The following LMBR1 variants were observed in gnomAD, a reference collection of about 807,000 sequenced individuals.
LMBR1 encodes the protein limb region 1 protein homolog.
In LMBR1, 52 loss-of-function variants were observed where a neutral mutation model predicts 73.9. That is an observed-to-expected ratio of 0.70 (90% CI 0.56 to 0.89). The LOEUF is 0.89. LMBR1 is among the 40% of genes least tolerant of loss of function. The pLI is 0.00. For missense variants in LMBR1, 539 were observed against 579.8 expected (o/e 0.93, Z 0.72); for synonymous variants, 215 against 209.4 (o/e 1.03, Z -0.23).
intron 1 of LMBR1, among the ~76,000 whole-genome samples, chr7:156,841,483 C>T (rs1219491242): frequency 6.6e-6 from 1 of 152,060 alleles, no homozygotes; most frequent in Non-Finnish European, 1.5e-5. Context: ...ACCTAGAGCT[C>T]TCAAATATTT....
At chr7:156,735,823 C>A (rs1002968239) in intron 9 of LMBR1, among the ~76,000 whole-genome samples, 1 of 152,082 alleles carries the variant, frequency 6.6e-6, no homozygotes, top group East Asian at 1.9e-4. Flanking sequence ...TCATTTTAAT[C>A]TTTCTTTTTC....
chr7:156,796,425 GA>G lies in LMBR1; in HGVS notation c.386del (p.Phe129SerfsTer11). ...CAGCAAAGCCTTCTGATTCCAGAAA[GA>G]AAAAGGCAAAGGGCATCAATACAAA... ...CLFVLMPFAF[F>X]FLESEGFAGL... On this transcript the variant is annotated frameshift_variant, in exon 5 of 17. Coordinates refer to ENST00000353442, the MANE Select transcript of LMBR1 (RefSeq NM_022458.4). LOFTEE classifies it high-confidence loss of function. 6.2e-7 allele frequency: 1 copy of G among 1,605,598 alleles called. No homozygotes were observed. The highest frequency in any genetic ancestry group is 1.1e-5 in the South Asian group (1 of 88,978).
intron 4 of LMBR1, among the ~76,000 whole-genome samples, chr7:156,824,255 G>T (rs1471432917): frequency 1.3e-5 from 2 of 152,134 alleles, no homozygotes; most frequent in Non-Finnish European, 2.9e-5. Flanking sequence ...TAAGGGAGCG[G>T]TTGGTGTTGC....
intron 1 of LMBR1, among the ~76,000 whole-genome samples, chr7:156,864,520 C>CTAT (rs1266679857): frequency 2.2e-4 from 34 of 151,894 alleles, no homozygotes; most frequent in Admixed American, 2.2e-3. Context: ...AATGAAGACT[C>CTAT]AATAAATGTT....
intron 1 of LMBR1, among the ~76,000 whole-genome samples, chr7:156,884,121 G>C (rs1185789028): frequency 6.6e-6 from 1 of 152,172 alleles, no homozygotes; most frequent in African/African-American, 2.4e-5. Flanking sequence ...TATTGGATTT[G>C]TTTCTAATAC....
intron 10 of LMBR1, among the ~76,000 whole-genome samples, chr7:156,729,325 C>T (rs1417017194): frequency 3.3e-5 from 5 of 151,886 alleles, no homozygotes; most frequent in African/African-American, 1.2e-4. Context: ...TAATTTTCTA[C>T]CATATGTGGA....
intron 5 of LMBR1, among the ~76,000 whole-genome samples, chr7:156,765,052 G>C (rs1156658808): frequency 6.6e-6 from 1 of 152,186 alleles, no homozygotes; most frequent in Non-Finnish European, 1.5e-5. Context: ...TAACACATGA[G>C]ATCTCATAGT....
chr7:156,812,468 G>A (rs1185535962), intron 4 of LMBR1, among the ~76,000 whole-genome samples: 1 of 152,194 alleles, frequency 6.6e-6, no homozygotes, highest in African/African-American at 2.4e-5. Context: ...TCACATGGAA[G>A]AGAAAAGAGG....
At chr7:156,749,422 C>G (rs1563271297) in intron 9 of LMBR1, among the ~76,000 whole-genome samples, 1 of 152,158 alleles carries the variant, frequency 6.6e-6, no homozygotes, top group Non-Finnish European at 1.5e-5. Context: ...AAATGCCACC[C>G]TAAACCTTGG....
chr7:156,839,113 G>A (rs1055362014), intron 1 of LMBR1, among the ~76,000 whole-genome samples: 3 of 143,536 alleles, frequency 2.1e-5, no homozygotes, highest in African/African-American at 5.2e-5. Flanking sequence ...GCAATGGCGC[G>A]ATCTTGGCTC....
chr7:156,768,944 A>C (rs1824658211), intron 5 of LMBR1, among the ~76,000 whole-genome samples: 1 of 152,110 alleles, frequency 6.6e-6, no homozygotes, highest in East Asian at 1.9e-4. Context: ...CTATTTTAGG[A>C]AATGGCCTCC....
At chr7:156,675,134 CGACCCGAAGGGGCAGCGGA>C (rs1563102576), downstream of LMBR1, among the ~76,000 whole-genome samples, 4 of 152,028 alleles carry the variant, frequency 2.6e-5, no homozygotes, top group Admixed American at 1.3e-4. Context: ...GAGGCAGCGG[CGACCCGAAGGGGCAGCGGA>C]GACCCGAAGA....
At chr7:156,697,534 C>T (rs577677550) in intron 15 of LMBR1, among the ~76,000 whole-genome samples, 43 of 152,172 alleles carry the variant, frequency 2.8e-4, no homozygotes, top group African/African-American at 9.4e-4. Context: ...GTTTATAGAC[C>T]TCCCCCCAGG....
At chr7:156,720,451 A>G (rs1365333370) in intron 15 of LMBR1, among the ~76,000 whole-genome samples, 1 of 152,164 alleles carries the variant, frequency 6.6e-6, no homozygotes. Context: ...TAGTGTCAGG[A>G]AACACATTTC....
intron 15 of LMBR1, among the ~76,000 whole-genome samples, chr7:156,716,017 C>T (rs1217921090): frequency 6.6e-6 from 1 of 152,158 alleles, no homozygotes; most frequent in Non-Finnish European, 1.5e-5. Flanking sequence ...AACATGGTGG[C>T]ACCCACTGAC....
At chr7:156,848,448 T>C (rs1294721861) in intron 1 of LMBR1, among the ~76,000 whole-genome samples, 1 of 152,214 alleles carries the variant, frequency 6.6e-6, no homozygotes, top group Non-Finnish European at 1.5e-5. Flanking sequence ...TCAGCATTAT[T>C]AATCATTAGA....
intron 5 of LMBR1, among the ~76,000 whole-genome samples, chr7:156,793,299 C>T (rs1439594913): frequency 6.6e-6 from 1 of 152,156 alleles, no homozygotes; most frequent in East Asian, 1.9e-4. Context: ...CAAATGTATG[C>T]TTAACACATT....
intron 4 of LMBR1, among the ~76,000 whole-genome samples, chr7:156,814,884 C>T (rs567743244): frequency 2.0e-5 from 3 of 152,220 alleles, no homozygotes; most frequent in South Asian, 2.1e-4. Context: ...AGGCCAAGCG[C>T]GGTGGTTCAC....
chr7:156,797,541 T>C (rs1307597042), intron 4 of LMBR1, among the ~76,000 whole-genome samples: 2 of 152,226 alleles, frequency 1.3e-5, no homozygotes, highest in African/African-American at 4.8e-5. Context: ...ACAACCCCTC[T>C]GCTCTCAGAG....
Sources: allele counts gnomAD v4.1 joint callset (sites outside exome capture counted in the v4.1 genomes callset), GRCh38; gene constraint gnomAD v4.1.1; transcripts MANE v1.5; gene names NCBI Gene and HGNC (gene_info 2026-07-23, HGNC 2026-07-21).